Variants in NLRP5 observed in about 807,000 individuals in gnomAD.
NLRP5 encodes NACHT, LRR and PYD domains-containing protein 5.
NLRP5 carries 93 observed loss-of-function variants against 113.1 expected under a neutral mutation model. The ratio of observed to expected loss-of-function variants is 0.82; its 90% CI spans 0.70 to 0.98. NLRP5 has a LOEUF of 0.98. Ranked by LOEUF, NLRP5 falls within the 50% of genes least tolerant of loss-of-function variation. The pLI, the probability that NLRP5 is intolerant of heterozygous loss-of-function variation, is 0.00. For synonymous variants in NLRP5, 751 were observed against 600.7 expected (o/e 1.25, Z -3.66); for missense variants, 1,808 against 1,514.3 (o/e 1.19, Z -3.22).
chr19:56,060,603 CTG>C (rs1352376050), intron 14 of NLRP5, among the ~76,000 whole-genome samples: 1 of 152,106 alleles, frequency 6.6e-6, no homozygotes, highest in Non-Finnish European at 1.5e-5. Flanking sequence ...CACAGAGACT[CTG>C]AGGAAGGAAT....
Position 56,027,876 on chromosome 19 carries a change from G to A in NLRP5, c.1643G>A (p.Gly548Asp), listed in dbSNP as rs1227604088. The A allele has an allele frequency of 1.2e-6, 2 of 1,613,926 alleles. No homozygotes were observed. The highest frequency in any genetic ancestry group is 1.7e-6 in the Non-Finnish European group (2 of 1,179,850). The change falls in exon 7 of 15, where the codon GGT becomes GAT. Residue 548 changes from glycine (G) to aspartate (D), a missense_variant. Transcript: ENST00000390649. ...TGGAATAGGAAGTCAGTGTTTGACG[G>A]TGACGACCTCATGGTTCAAGGACTC... is the stretch of plus-strand genomic sequence containing the variant.
At chr19:56,013,901 T>C (rs753297395) in intron 3 of NLRP5, among the ~76,000 whole-genome samples, 19 of 152,168 alleles carry the variant, frequency 1.2e-4, no homozygotes, top group Non-Finnish European at 2.4e-4. Context: ...TGAATTTCCC[T>C]AATTATGTTC....
intron 7 of NLRP5, among the ~76,000 whole-genome samples, chr19:56,032,215 T>G (rs1375664643): frequency 6.6e-6 from 1 of 152,026 alleles, no homozygotes; most frequent in Admixed American, 6.6e-5. Flanking sequence ...CATGATGGCA[T>G]GCGCCTGTAG....
chr19:56,047,115 G>A (rs929470256), intron 11 of NLRP5, among the ~76,000 whole-genome samples: 4 of 152,038 alleles, frequency 2.6e-5, no homozygotes, highest in African/African-American at 9.7e-5. Context: ...TTCTCAGTGA[G>A]GTTATTTGGA....
intron 5 of NLRP5, 25 bp from the exon 6 acceptor site, chr19:56,020,350 T>C: frequency 4.3e-6 from 7 of 1,611,370 alleles, no homozygotes; most frequent in Non-Finnish European, 5.9e-6. Flanking sequence ...TAAACACAAG[T>C]ATGTTGGAAT....
In NLRP5 at chr19:56,053,706, A is replaced by G; in HGVS notation, c.3197A>G (p.His1066Arg). 1.2e-6 allele frequency: 2 copies of G among 1,613,722 alleles called. No individual in the cohort carries two copies. Among genetic ancestry groups the G allele is most frequent in the Middle Eastern group, 1.7e-4 (1 of 6,056 alleles). The stretch of plus-strand genomic sequence containing the variant: ...TCCTGTGTGATCTCGAGGAGCAGAC[A>G]CCTGAAGAGCCTGGATCTCACGGAC... The change falls in exon 13 of 15, where the codon CAC becomes CGC. Residue 1066 changes from histidine to arginine, a missense_variant. His to Arg is a conservative substitution (Grantham distance 29). Coordinates refer to ENST00000390649, the MANE Select transcript of NLRP5 (RefSeq NM_153447.4).
intron 9 of NLRP5, among the ~76,000 whole-genome samples, chr19:56,036,831 C>T (rs999657741): frequency 1.3e-5 from 2 of 152,086 alleles, no homozygotes; most frequent in Non-Finnish European, 2.9e-5. Flanking sequence ...ATGGCATGCA[C>T]CTGTAATCCC....
chr19:56,011,724 C>T (rs552525769), intron 3 of NLRP5, among the ~76,000 whole-genome samples: 10 of 149,850 alleles, frequency 6.7e-5, no homozygotes, highest in South Asian at 4.2e-4. Context: ...TAGATAGTCT[C>T]GCTCTGTCAC....
intron 8 of NLRP5, 137 bp downstream of exon 8, chr19:56,032,918 A>C (rs1983178735): frequency 2.4e-6 from 2 of 832,820 alleles, no homozygotes; most frequent in Non-Finnish European, 1.9e-6. Flanking sequence ...GTAGGAACCA[A>C]GTTCCCAAAA....
rs117472015 is a variant in NLRP5, at chr19:56,055,423, A to G, written c.3299+1615A>G. 2.2e-3 allele frequency among the ~76,000 whole-genome samples: 320 copies of G among 146,050 alleles called. 11 individuals are homozygous for G. The East Asian group carries it at 0.061, about 28-fold the overall frequency. ...CCTCTTCGATCTAGCTTTGTGTTTT[A>G]TTTTTATGATTTTATTAAACTTTAT... On this transcript the variant is annotated intron_variant, in intron 13 of 14. Transcript: ENST00000390649.
chr19:56,059,863 TTGAG>T (rs1984288868), intron 14 of NLRP5, among the ~76,000 whole-genome samples: 1 of 152,190 alleles, frequency 6.6e-6, no homozygotes, highest in South Asian at 2.1e-4. Flanking sequence ...AATTTCTCAG[TTGAG>T]TAACTGTTTT....
intron 9 of NLRP5, among the ~76,000 whole-genome samples, chr19:56,034,912 T>A (rs1231266594): frequency 6.6e-6 from 1 of 152,136 alleles, no homozygotes; most frequent in African/African-American, 2.4e-5. Context: ...ATTAGCTTGG[T>A]TTAGAGATAC....
intron 2 of NLRP5, among the ~76,000 whole-genome samples, chr19:56,004,509 G>A (rs10518284): frequency 0.12 from 17,738 of 152,128 alleles, 1,228 homozygotes; most frequent in African/African-American, 0.18. Flanking sequence ...TAATGCATAG[G>A]AAGTGGCTAA....
upstream of NLRP5, among the ~76,000 whole-genome samples, chr19:55,996,030 CTCTG>C (rs74179654): frequency 0.26 from 40,181 of 151,632 alleles, 5,436 homozygotes; most frequent in African/African-American, 0.29. Context: ...TTTATCAGTT[CTCTG>C]TCTTTTGGTG....
intron 3 of NLRP5, among the ~76,000 whole-genome samples, chr19:56,013,382 C>T (rs1260888598): frequency 5.9e-5 from 9 of 151,692 alleles, no homozygotes; most frequent in South Asian, 2.1e-4. Flanking sequence ...TCAGTAGAGA[C>T]GGGGTTTCAC....
chr19:56,053,288 G>A (rs60502432), intron 12 of NLRP5, among the ~76,000 whole-genome samples: 1 of 151,850 alleles, frequency 6.6e-6, no homozygotes, highest in African/African-American at 2.4e-5. Context: ...CCAGCTATTC[G>A]GGAGGCTGAG....
At chr19:55,990,060 TTTC>T in the NLRP5 span, among the ~76,000 whole-genome samples, 1 of 140,942 alleles carries the variant, frequency 7.1e-6, no homozygotes, top group South Asian at 2.3e-4. Context: ...AGTCATGCCG[TTTC>T]TTTTTTTTCT....
At position 56,038,073 on chromosome 19, in the gene NLRP5, A is replaced by C. The variant is rs1983383442; in HGVS notation, c.2664A>C (p.Gln888His). Reference sequence around the variant, plus strand: ...ATGCCTGTTACCTGAAGATCTCCCAAATCCTTACGACCTCCCCCAGCCTGA... The same window carrying C: ...ATGCCTGTTACCTGAAGATCTCCCACATCCTTACGACCTCCCCCAGCCTGA... The change falls in exon 10 of 15, where the codon CAA becomes CAC. Residue 888 changes from glutamine to histidine, a missense_variant. Gln to His is a conservative substitution (Grantham distance 24, BLOSUM62 0). Transcript: ENST00000390649. 1 of 1,613,954 alleles carries C rather than the reference A, an allele frequency of 6.2e-7. No homozygotes were observed. The highest frequency in any genetic ancestry group is 8.5e-7 in the Non-Finnish European group (1 of 1,179,860).
chr19:56,032,830 C>G, intron 8 of NLRP5, 49 bp downstream of exon 8: 1 of 1,531,904 alleles, frequency 6.5e-7, no homozygotes, highest in Non-Finnish European at 8.9e-7. Context: ...TGACGCTATC[C>G]CAGCTCTCCC....
Sources: allele counts gnomAD v4.1 joint callset (sites outside exome capture counted in the v4.1 genomes callset), GRCh38; gene constraint gnomAD v4.1.1; transcripts MANE v1.5; gene names NCBI Gene and HGNC (gene_info 2026-07-23, HGNC 2026-07-21).